KLHL29: variants seen among roughly 807,000 people sequenced by gnomAD.
KLHL29 encodes the protein kelch-like protein 29.
Under a neutral mutation model 80.4 loss-of-function variants are expected in KLHL29, and 21 were observed. The ratio of observed to expected loss-of-function variants is 0.26; its 90% CI spans 0.19 to 0.38. The LOEUF (loss-of-function observed/expected upper bound fraction) is 0.38. Ranked by LOEUF, KLHL29 falls within the 10% of genes least tolerant of loss-of-function variation. The pLI is 1.00. For synonymous variants in KLHL29, 511 were observed against 526.8 expected, an observed-to-expected ratio of 0.97 and a Z score of 0.41; for missense variants, 867 against 1,223.9, an observed-to-expected ratio of 0.71 and a Z score of 4.35.
chr2:23,586,362 C>CTTTTTTTTTTTTTTTTTTTTTTTT, intron 3 of KLHL29, among the ~76,000 whole-genome samples: 1 of 96,992 alleles, frequency 1.0e-5, no homozygotes, highest in Non-Finnish European at 1.9e-5. Flanking sequence ...AAAAGCATTA[C>CTTTTTTTTTTTTTTTTTTTTTTTT]TTTTTTTTTT....
intron 2 of KLHL29, among the ~76,000 whole-genome samples, chr2:23,544,901 G>A (rs547321772): frequency 6.6e-6 from 1 of 152,324 alleles, no homozygotes; most frequent in Non-Finnish European, 1.5e-5. Context: ...TGGGTCTTAA[G>A]AAGAAGGCCT....
At chr2:23,691,192 G>A (rs1671574488) in intron 6 of KLHL29, 1 of 187,606 alleles carries the variant, frequency 5.3e-6, no homozygotes, top group Non-Finnish European at 1.1e-5. Context: ...GGGGCCCTCG[G>A]TCCTGGGGCG....
chr2:23,428,449 C>T (rs749370026), intron 1 of KLHL29, among the ~76,000 whole-genome samples: 1 of 152,152 alleles, frequency 6.6e-6, no homozygotes, highest in Non-Finnish European at 1.5e-5. Flanking sequence ...TATGCTTTGT[C>T]TTTTGCTGTG....
At chr2:23,694,991 C>T (rs1468102141) in intron 8 of KLHL29, among the ~76,000 whole-genome samples, 2 of 152,106 alleles carry the variant, frequency 1.3e-5, no homozygotes, top group East Asian at 1.9e-4. Context: ...ATGGTGGTCT[C>T]GTTACTCATG....
At chr2:23,655,204 G>C (rs1670211761) in intron 5 of KLHL29, among the ~76,000 whole-genome samples, 1 of 152,200 alleles carries the variant, frequency 6.6e-6, no homozygotes, top group Non-Finnish European at 1.5e-5. Context: ...ACTGGAGCTT[G>C]GGAGTCAGGC....
intron 2 of KLHL29, among the ~76,000 whole-genome samples, chr2:23,482,826 CTCATTCATTCATTCAT>C (rs55692243): frequency 0.37 from 55,158 of 150,266 alleles, 10,723 homozygotes; most frequent in Admixed American, 0.49. Context: ...GCAACGCTCA[CTCATTCATTCATTCAT>C]TCATTCATTC....
At position 23,613,763 on chromosome 2, in the gene KLHL29, C is replaced by CAAAAAAAAAAAAAA. The variant is rs1157736706; in HGVS notation, c.286-25362_286-25349dup. 5.0e-4 allele frequency among the ~76,000 whole-genome samples: 32 copies of CAAAAAAAAAAAAAA among 63,702 alleles called. 2 individuals carry two copies. Among genetic ancestry groups the CAAAAAAAAAAAAAA allele is most frequent in the African/African-American group, 1.8e-3 (20 of 11,256 alleles). The allele number at this position is 63,702 out of a possible 152,430, so 41.8% of individuals were successfully genotyped here. A position where few individuals can be genotyped will look rare whatever the true frequency, so the allele number is the denominator to read the frequency against. On this transcript the variant is annotated intron_variant, in intron 3 of 13. Coordinates refer to ENST00000486442, the MANE Select transcript of KLHL29 (RefSeq NM_052920.2). ...TGGGCGGCAGGGCAAGACTCCATCT[C>CAAAAAAAAAAAAAA]AAAAAAAAAAAAAAAAAAAAAAAAA...
chr2:23,522,306 C>A (rs1044770450), intron 2 of KLHL29, among the ~76,000 whole-genome samples: 1 of 152,058 alleles, frequency 6.6e-6, no homozygotes, highest in Non-Finnish European at 1.5e-5. Flanking sequence ...TGTACCATCA[C>A]GCCTGGCTAA....
At chr2:23,456,309 G>A (rs1216622944) in intron 1 of KLHL29, among the ~76,000 whole-genome samples, 4 of 152,222 alleles carry the variant, frequency 2.6e-5, no homozygotes, top group African/African-American at 9.6e-5. Flanking sequence ...CAATGGGGCA[G>A]TGACAGCAAT....
intron 3 of KLHL29, among the ~76,000 whole-genome samples, chr2:23,609,200 TC>T (rs1668798728): frequency 6.6e-6 from 1 of 152,158 alleles, no homozygotes; most frequent in South Asian, 2.1e-4. Context: ...CATTCCCCAC[TC>T]CTGTGGTCTA....
chr2:23,473,973 T>C (rs1168083227), intron 1 of KLHL29, among the ~76,000 whole-genome samples: 1 of 152,096 alleles, frequency 6.6e-6, no homozygotes, highest in African/African-American at 2.4e-5. Flanking sequence ...TGTGCTCAAA[T>C]GTCCTCCACT....
chr2:23,550,993 A>G (rs1252176264), intron 2 of KLHL29, among the ~76,000 whole-genome samples: 1 of 152,248 alleles, frequency 6.6e-6, no homozygotes, highest in Non-Finnish European at 1.5e-5. Flanking sequence ...GCAGGACTAC[A>G]GGGAAACGGG....
intron 3 of KLHL29, among the ~76,000 whole-genome samples, chr2:23,625,257 C>T (rs1178088643): frequency 1.3e-5 from 2 of 152,244 alleles, no homozygotes; most frequent in East Asian, 1.9e-4. Flanking sequence ...ACTCACTCCA[C>T]TTACTGTGAT....
At chr2:23,625,769 T>A (rs774873419) in intron 3 of KLHL29, among the ~76,000 whole-genome samples, 2 of 152,114 alleles carry the variant, frequency 1.3e-5, no homozygotes, top group African/African-American at 2.4e-5. Context: ...ATTGTGATGG[T>A]GTTTGGAGAT....
Position 23,613,776 on chromosome 2 carries a change from A to C in KLHL29, c.286-25363A>C, listed in dbSNP as rs536905281. On this transcript the variant is annotated intron_variant, in intron 3 of 13. Coordinates refer to ENST00000486442, the MANE Select transcript of KLHL29 (RefSeq NM_052920.2). ...AAGACTCCATCTCAAAAAAAAAAAA[A>C]AAAAAAAAAAAAAACCCACCACTCT... Among the ~76,000 whole-genome samples, 116 of 149,692 alleles carry C rather than the reference A, an allele frequency of 7.7e-4. 1 individual carries two copies. Among genetic ancestry groups the C allele is most frequent in the Admixed American group, 3.5e-3 (53 of 15,086 alleles).
chr2:23,406,568 C>T (rs1274589984), intron 1 of KLHL29, among the ~76,000 whole-genome samples: 1 of 152,108 alleles, frequency 6.6e-6, no homozygotes, highest in African/African-American at 2.4e-5. Flanking sequence ...TGCCTGCATG[C>T]CATTCCCATC....
At chr2:23,675,581 A>G (rs886389239) in intron 5 of KLHL29, among the ~76,000 whole-genome samples, 9 of 152,102 alleles carry the variant, frequency 5.9e-5, no homozygotes, top group African/African-American at 2.2e-4. Context: ...CTGCAGAGCG[A>G]CCTCAAGGGC....
chr2:23,509,385 C>T (rs1665703542), intron 2 of KLHL29, among the ~76,000 whole-genome samples: 2 of 152,152 alleles, frequency 1.3e-5, no homozygotes, highest in Admixed American at 1.3e-4. Context: ...CTACCCTTCC[C>T]TTGCCTTACT....
chr2:23,394,300 G>T (rs1666395591), intron 1 of KLHL29, among the ~76,000 whole-genome samples: 2 of 152,292 alleles, frequency 1.3e-5, no homozygotes, highest in South Asian at 2.1e-4. Context: ...GAACTTTAAG[G>T]ATATATATTC....
Sources: allele counts gnomAD v4.1 joint callset (sites outside exome capture counted in the v4.1 genomes callset), GRCh38; gene constraint gnomAD v4.1.1; transcripts MANE v1.5; gene names NCBI Gene and HGNC (gene_info 2026-07-23, HGNC 2026-07-21).